DNAJB6: variants seen among roughly 807,000 people sequenced by gnomAD.
The protein encoded by DNAJB6 is DnaJ heat shock protein family (Hsp40) member B6, also known as dnaJ homolog subfamily B member 6.
DNAJB6 carries 16 observed loss-of-function variants against 42.7 expected under a neutral mutation model. The observed-to-expected ratio is 0.37, with a 90% confidence interval of 0.25 to 0.57. The LOEUF (loss-of-function observed/expected upper bound fraction) is 0.57, where lower values mean the gene tolerates loss of function less well. Among genes scored for constraint, DNAJB6 ranks in the 20% least tolerant of loss-of-function variants. The pLI, the probability that DNAJB6 is intolerant of heterozygous loss-of-function variation, is 0.74. For missense variants in DNAJB6, 347 were observed against 416.8 expected (o/e 0.83, Z 1.46); for synonymous variants, 170 against 163.5 (o/e 1.04, Z -0.30).
At chr7:157,403,629 G>C (rs1252201810) in intron 8 of DNAJB6, among the ~76,000 whole-genome samples, 1 of 152,136 alleles carries the variant, frequency 6.6e-6, no homozygotes, top group Non-Finnish European at 1.5e-5. Flanking sequence ...GCACCCCTGT[G>C]CCCTGCTGTA....
intron 3 of DNAJB6, 69 bp from the exon 4 acceptor site, chr7:157,366,433 A>G: frequency 7.2e-7 from 1 of 1,386,200 alleles, no homozygotes; most frequent in East Asian, 2.3e-5. Context: ...CAACTGGGGA[A>G]ATACCTTATC....
At chr7:157,392,821 G>A (rs911472732) in intron 8 of DNAJB6, among the ~76,000 whole-genome samples, 2 of 152,166 alleles carry the variant, frequency 1.3e-5, no homozygotes, top group Middle Eastern at 3.2e-3. Context: ...GTCTTAATAT[G>A]TAGGTGTGCA....
chr7:157,386,958 A>G (rs1265814954), intron 8 of DNAJB6, among the ~76,000 whole-genome samples: 3 of 151,440 alleles, frequency 2.0e-5, no homozygotes, highest in Non-Finnish European at 4.4e-5. Context: ...CATGATTACC[A>G]TTGGTAACTA....
At chr7:157,340,776 C>T (rs1041630127) in intron 1 of DNAJB6, among the ~76,000 whole-genome samples, 2 of 151,780 alleles carry the variant, frequency 1.3e-5, no homozygotes, top group African/African-American at 2.4e-5. Flanking sequence ...TCAAGCCATT[C>T]TCCTGCTTCA....
intron 1 of DNAJB6, among the ~76,000 whole-genome samples, chr7:157,349,807 G>A (rs527427605): frequency 9.6e-4 from 146 of 152,190 alleles, no homozygotes; most frequent in African/African-American, 3.4e-3. Flanking sequence ...ACCACACCCA[G>A]CTGATTTTTG....
intron 3 of DNAJB6, among the ~76,000 whole-genome samples, chr7:157,364,119 A>G (rs1472571592): frequency 6.6e-6 from 1 of 151,900 alleles, no homozygotes; most frequent in Non-Finnish European, 1.5e-5. Flanking sequence ...TTTTTTTTTA[A>G]AGAACCCAAT....
intron 1 of DNAJB6, among the ~76,000 whole-genome samples, chr7:157,356,303 C>G (rs1184920345): frequency 6.6e-6 from 1 of 152,230 alleles, no homozygotes; most frequent in Admixed American, 6.5e-5. Context: ...AGTCACTCAG[C>G]CAAGGGAATG....
At chr7:157,346,958 C>T (rs1333710894) in intron 1 of DNAJB6, among the ~76,000 whole-genome samples, 2 of 152,352 alleles carry the variant, frequency 1.3e-5, no homozygotes, top group African/African-American at 2.4e-5. Context: ...CGGGTTCACA[C>T]CGTTCTCCTG....
chr7:157,361,468 G>A (rs7792758), intron 2 of DNAJB6, among the ~76,000 whole-genome samples: 107,332 of 152,116 alleles, frequency 0.71, 38,770 homozygotes, highest in African/African-American at 0.87. Flanking sequence ...CTACATGTTT[G>A]TTTAGGTCCA....
chr7:157,407,005 G>A (rs945327585), intron 8 of DNAJB6, among the ~76,000 whole-genome samples: 5 of 152,238 alleles, frequency 3.3e-5, no homozygotes, highest in Non-Finnish European at 7.3e-5. Flanking sequence ...GGCAGCCCCG[G>A]CTGACCCACA....
At chr7:157,349,775 A>G (rs550988344) in intron 1 of DNAJB6, among the ~76,000 whole-genome samples, 1 of 152,122 alleles carries the variant, frequency 6.6e-6, no homozygotes, top group Admixed American at 6.6e-5. Flanking sequence ...CTCCTGAGTA[A>G]CTGGGATTAC....
rs971860158 is a variant in DNAJB6, at chr7:157,416,341, T to G, written c.*243T>G. The G allele has an allele frequency of 1.3e-5, 7 of 529,284 alleles. No homozygotes were observed. The highest frequency in any genetic ancestry group is 2.3e-5 in the Non-Finnish European group (7 of 299,172). 32.8% of individuals were successfully genotyped at this position (529,284 alleles called of 1,614,324 possible). A position where few individuals can be genotyped will look rare whatever the true frequency, so the allele number is the denominator to read the frequency against. On this transcript the variant is annotated 3_prime_UTR_variant, in exon 10 of 10. Transcript: ENST00000262177. ...CTCTCTGCTTCTCTCCAGCTCTCAA[T>G]CTGCTGCATTTTCCTCTAGTGCTTC...
intron 8 of DNAJB6, among the ~76,000 whole-genome samples, chr7:157,406,463 G>A (rs947983696): frequency 5.1e-4 from 78 of 152,256 alleles, no homozygotes; most frequent in African/African-American, 1.8e-3. Context: ...CCAGACCCAA[G>A]CAGCTGCTGT....
chr7:157,349,447 C>T lies in DNAJB6; in HGVS notation c.-26-9100C>T, dbSNP rs532736668. ...GGTAATGGGAAGGCAGGACCGTGAC[C>T]CCAGGTTAGAAAAGACCAGGGGACT... On this transcript the variant is annotated intron_variant, in intron 1 of 9. Transcript: ENST00000262177. Among the ~76,000 whole-genome samples the T allele has an allele frequency of 4.6e-5, 7 of 152,134 alleles. No homozygotes were observed. The East Asian group carries it at 1.4e-3, about 29-fold the overall frequency.
chr7:157,416,260 G>GCCCCGTCTCCT lies in DNAJB6; in HGVS notation c.*162_*163insCCCCGTCTCCT. 8.4e-7 allele frequency: 1 copy of GCCCCGTCTCCT among 1,193,462 alleles called. No homozygotes were observed. Among genetic ancestry groups the GCCCCGTCTCCT allele is most frequent in the South Asian group, 1.5e-5 (1 of 65,294 alleles). 73.9% of individuals were successfully genotyped at this position (1,193,462 alleles called of 1,614,324 possible). ...TCACGGATCAGTCAGAGCAGGGTCAGGAGACGGGGCTGACGGCACGGGTGG... is the reference window on the plus strand; with the variant it reads ...TCACGGATCAGTCAGAGCAGGGTCAGCCCCGTCTCCTGAGACGGGGCTGACGGCACGGGTGG... On this transcript the variant is annotated 3_prime_UTR_variant, in exon 10 of 10. Transcript: ENST00000262177.
Position 157,367,454 on chromosome 7 carries a change from G to C in DNAJB6, c.317G>C (p.Gly106Ala). 6.2e-7 allele frequency: 1 copy of C among 1,611,498 alleles called. No homozygotes were observed. Among genetic ancestry groups the C allele is most frequent in the Non-Finnish European group, 8.5e-7 (1 of 1,177,628 alleles). Residue 106 changes from glycine (G) to alanine (A), a missense_variant, in exon 5 of 10, where the codon GGA becomes GCA. Physicochemically the swap from Gly to Ala is moderately conservative, Grantham distance 60. Coordinates refer to ENST00000262177, the MANE Select transcript of DNAJB6 (RefSeq NM_058246.4). ...GATGTCTTCAGGGAATTTTTTGGTG[G>C]AAGGGACCCATTTTCATTTGACTTC... ...PDDVFREFFG[G>A]RDPFSFDFFE...
intron 1 of DNAJB6, among the ~76,000 whole-genome samples, chr7:157,348,343 C>T (rs1798794325): frequency 1.3e-5 from 2 of 152,222 alleles, no homozygotes; most frequent in African/African-American, 2.4e-5. Flanking sequence ...ATCCACCCGT[C>T]TTGGCCTCCC....
In DNAJB6 at chr7:157,339,281, C is replaced by CTTTTTT. The variant is rs34284253; in HGVS notation, c.-27+2162_-27+2167dup. On this transcript the variant is annotated intron_variant, in intron 1 of 9. Transcript: ENST00000262177. Reference sequence around the variant, plus strand: ...TGGGGGTGGAATGGTCTGTTTGCACCTTTTTTTTTTTTTTTTTTTTTTTTT... The same window carrying CTTTTTT: ...TGGGGGTGGAATGGTCTGTTTGCACCTTTTTTTTTTTTTTTTTTTTTTTTTTTTTTT... Among the ~76,000 whole-genome samples, 423 of 68,296 alleles carry CTTTTTT rather than the reference C, an allele frequency of 6.2e-3. 52 individuals are homozygous for CTTTTTT. The highest frequency in any genetic ancestry group is 9.8e-3 in the Non-Finnish European group (358 of 36,350). The allele number at this position is 68,296 out of a possible 152,430, so 44.8% of individuals were successfully genotyped here. A position where few individuals can be genotyped will look rare whatever the true frequency, so the allele number is the denominator to read the frequency against.
intron 5 of DNAJB6, chr7:157,369,230 C>T (rs117644856): frequency 0.019 from 8,770 of 455,378 alleles, 122 homozygotes; most frequent in Non-Finnish European, 0.03. Flanking sequence ...TGTTTACATC[C>T]GTCCTTCATC....
Sources: gnomAD v4.1 joint callset for allele counts (sites outside exome capture counted in the v4.1 genomes callset) on GRCh38, gnomAD v4.1.1 for gene constraint, MANE v1.5 for transcripts, NCBI Gene and HGNC (gene_info 2026-07-23, HGNC 2026-07-21) for gene names.